The following CLTC variants were observed in gnomAD, a reference collection of about 807,000 sequenced individuals.
CLTC encodes the protein clathrin heavy chain.
CLTC carries 16 observed loss-of-function variants against 195.8 expected under a neutral mutation model. The ratio of observed to expected loss-of-function variants is 0.08; its 90% CI spans 0.06 to 0.12. CLTC has a LOEUF of 0.12. Among genes scored for constraint, CLTC ranks in the 10% least tolerant of loss-of-function variants. CLTC has a pLI of 1.00. For synonymous variants in CLTC, 667 were observed against 689.4 expected (o/e 0.97, Z 0.51); for missense variants, 796 against 2,027.0 (o/e 0.39, Z 11.66).
chr17:59,685,510 T>C lies in CLTC; in HGVS notation c.4606-77T>C, dbSNP rs2271303. ...GCAAAACCAGATTTATATTGGAAAG[T>C]TTCCATTGTTTTTCTTGGTTTACTA... On this transcript the variant is annotated intron_variant, in intron 29 of 31. Coordinates refer to ENST00000269122, the MANE Select transcript of CLTC (RefSeq NM_004859.4). The surrounding 1 kb of genome is among the most constrained non-coding windows in gnomAD (Gnocchi z 5.0). The C allele has an allele frequency of 0.14, 175,475 of 1,262,376 alleles. 19,405 individuals carry two copies. Among genetic ancestry groups the C allele is most frequent in the East Asian group, 0.48 (20,434 of 42,206 alleles). The allele number at this position is 1,262,376 out of a possible 1,614,324, so 78.2% of individuals were successfully genotyped here. A position where few individuals can be genotyped will look rare whatever the true frequency, so the allele number is the denominator to read the frequency against.
At chr17:59,686,420 G>C (rs2033185899) in intron 30 of CLTC, among the ~76,000 whole-genome samples, 1 of 152,028 alleles carries the variant, frequency 6.6e-6, no homozygotes, top group Admixed American at 6.6e-5. Context: ...TCTCTCTGTA[G>C]AACATTTTTA....
chr17:59,677,648 T>C (rs555741029), intron 17 of CLTC, among the ~76,000 whole-genome samples: 1 of 152,306 alleles, frequency 6.6e-6, no homozygotes, highest in African/African-American at 2.4e-5. Flanking sequence ...CTATTCTAGT[T>C]TTGTCAGTTA....
intron 1 of CLTC, among the ~76,000 whole-genome samples, chr17:59,640,919 G>C (rs1437992867): frequency 6.6e-6 from 1 of 151,840 alleles, no homozygotes; most frequent in Non-Finnish European, 1.5e-5. Flanking sequence ...AAGAGATCGA[G>C]ACCATTCTGG....
At chr17:59,646,465 C>G (rs1226528735) in intron 2 of CLTC, among the ~76,000 whole-genome samples, 1 of 139,766 alleles carries the variant, frequency 7.2e-6, no homozygotes, top group East Asian at 2.4e-4. Context: ...CCTTCTTTGT[C>G]CCCCCAGCAC....
At chr17:59,624,525 G>A (rs1160680716) in intron 1 of CLTC, among the ~76,000 whole-genome samples, 1 of 140,134 alleles carries the variant, frequency 7.1e-6, no homozygotes, top group Non-Finnish European at 1.5e-5. Flanking sequence ...CTAGTGTGCA[G>A]TGGTGCGATC....
intron 7 of CLTC, 68 bp downstream of exon 7, chr17:59,660,656 C>A: frequency 6.8e-7 from 1 of 1,474,560 alleles, no homozygotes; most frequent in Non-Finnish European, 9.4e-7. Context: ...TCTTATATTA[C>A]TAGAAAAGGA....
In CLTC at chr17:59,667,070, TA is replaced by T. The variant is rs1442317574; in HGVS notation, c.2128+98del. The stretch of plus-strand genomic sequence containing the variant: ...CAGGCTGTTGGAAATTTTGTTTTTC[TA>T]AAAATTTGGTTCTATGGGACATTTT... On this transcript the variant is annotated intron_variant, in intron 13 of 31. Transcript: ENST00000269122. 29 of 1,054,752 alleles carry T rather than the reference TA, an allele frequency of 2.7e-5. No individual in the cohort carries two copies. The Admixed American group carries it at 6.0e-4, about 22-fold the overall frequency. The allele number at this position is 1,054,752 out of a possible 1,614,324, so 65.3% of individuals were successfully genotyped here. A position where few individuals can be genotyped will look rare whatever the true frequency, so the allele number is the denominator to read the frequency against.
chr17:59,685,701 T>TA lies in CLTC; in HGVS notation c.4721dup (p.Tyr1574Ter). The TA allele has an allele frequency of 6.2e-7, 1 of 1,614,154 alleles. No individual in the cohort carries two copies. The highest frequency in any genetic ancestry group is 8.5e-7 in the Non-Finnish European group (1 of 1,179,976). The change falls in exon 30 of 32, where the codon TAC becomes TAAC. Residue 1574 changes from tyrosine (Y) to a stop codon, truncating the protein, a stop_gained and frameshift_variant. Transcript: ENST00000269122. LOFTEE classifies it high-confidence loss of function. The surrounding 1 kb of genome is among the most constrained non-coding windows in gnomAD (Gnocchi z 5.0). ...ECFGACLFTC[Y>*]DLLRPDVVLE... ...CTTTGGAGCTTGTCTGTTTACCTGT[T>TA]ACGATCTTTTAAGGCCAGATGTCGT...
At chr17:59,631,056 T>C (rs1048525967) in intron 1 of CLTC, among the ~76,000 whole-genome samples, 8 of 152,258 alleles carry the variant, frequency 5.3e-5, no homozygotes, top group African/African-American at 1.9e-4. Flanking sequence ...TCACATCTTC[T>C]GACAGCTTTT....
At chr17:59,645,762 A>G (rs2032175896) in intron 2 of CLTC, among the ~76,000 whole-genome samples, 1 of 152,222 alleles carries the variant, frequency 6.6e-6, no homozygotes, top group Non-Finnish European at 1.5e-5. Context: ...ATAGAAACTC[A>G]TCTCATCTCG....
At chr17:59,634,622 A>C (rs1052050092) in intron 1 of CLTC, among the ~76,000 whole-genome samples, 10 of 152,228 alleles carry the variant, frequency 6.6e-5, no homozygotes, top group African/African-American at 2.4e-4. Flanking sequence ...GTTTGTGACC[A>C]GAATCAAAAA....
chr17:59,690,398 C>A, intron 30 of CLTC: 1 of 400,136 alleles, frequency 2.5e-6, no homozygotes, highest in Non-Finnish European at 4.5e-6. Context: ...TTTAGTCTGG[C>A]ATGAGCTTTT....
At chr17:59,640,241 C>T (rs1239575088) in intron 1 of CLTC, among the ~76,000 whole-genome samples, 1 of 152,112 alleles carries the variant, frequency 6.6e-6, no homozygotes, top group Non-Finnish European at 1.5e-5. Context: ...TGGCATATTT[C>T]TCTTTTGAGT....
chr17:59,664,646 C>T, intron 9 of CLTC, 141 bp from the exon 10 acceptor site: 1 of 751,216 alleles, frequency 1.3e-6, no homozygotes, highest in Non-Finnish European at 2.0e-6. Context: ...TCACCAAGGT[C>T]TAACTGGGCA....
chr17:59,635,493 C>T (rs1639453740), intron 1 of CLTC, among the ~76,000 whole-genome samples: 1 of 152,142 alleles, frequency 6.6e-6, no homozygotes, highest in South Asian at 2.1e-4. Flanking sequence ...AAACCTATTA[C>T]TCCTTTAATT....
At chr17:59,659,295 C>T (rs1340614443) in intron 6 of CLTC, among the ~76,000 whole-genome samples, 2 of 151,996 alleles carry the variant, frequency 1.3e-5, no homozygotes, top group Non-Finnish European at 2.9e-5. Flanking sequence ...GACTCCCTTT[C>T]TCTATGGCAG....
At chr17:59,646,865 A>C (rs542003545) in intron 2 of CLTC, among the ~76,000 whole-genome samples, 1 of 152,200 alleles carries the variant, frequency 6.6e-6, no homozygotes, top group Admixed American at 6.5e-5. Context: ...TAAATGTAGC[A>C]GGCACTTCTC....
At chr17:59,674,589 A>G in intron 15 of CLTC, 112 bp from the exon 16 acceptor site, 1 of 956,824 alleles carries the variant, frequency 1.0e-6, no homozygotes, top group Non-Finnish European at 1.5e-6. Context: ...TTAAAAACTG[A>G]ACTTAAAGAA....
At chr17:59,653,703 C>T (rs1039007295) in intron 5 of CLTC, among the ~76,000 whole-genome samples, 1 of 152,068 alleles carries the variant, frequency 6.6e-6, no homozygotes, top group African/African-American at 2.4e-5. Context: ...GGTAGGACTA[C>T]AGGTACATGC....
Sources: gnomAD v4.1 joint callset for allele counts (sites outside exome capture counted in the v4.1 genomes callset) on GRCh38, gnomAD v4.1.1 for gene constraint, Gnocchi (gnomAD v3.1) non-coding constraint, MANE v1.5 for transcripts, NCBI Gene and HGNC (gene_info 2026-07-23, HGNC 2026-07-21) for gene names.